SHISA6: variants seen among roughly 807,000 people sequenced by gnomAD.
The protein encoded by SHISA6 is protein shisa-6.
A neutral mutation model predicts 47.9 loss-of-function variants in SHISA6; 22 were observed. The observed-to-expected ratio is 0.46, with a 90% CI of 0.33 to 0.66. The LOEUF (loss-of-function observed/expected upper bound fraction) is 0.66, where lower values mean the gene tolerates loss of function less well. Among genes scored for constraint, SHISA6 ranks in the 30% least tolerant of loss-of-function variants. The pLI is 0.02. For synonymous variants in SHISA6, 388 were observed against 337.8 expected (o/e 1.15, Z -1.63); for missense variants, 680 against 764.6 (o/e 0.89, Z 1.30).
intron 3 of SHISA6, among the ~76,000 whole-genome samples, chr17:11,524,837 C>A (rs2071662536): frequency 6.6e-6 from 1 of 152,150 alleles, no homozygotes. Context: ...CAGCATCAGT[C>A]ACTTCTATAA....
At chr17:11,549,708 G>A (rs1308543940) in intron 3 of SHISA6, among the ~76,000 whole-genome samples, 1 of 152,124 alleles carries the variant, frequency 6.6e-6, no homozygotes, top group Non-Finnish European at 1.5e-5. Context: ...CTTACTGACT[G>A]CCACTCTCCA....
chr17:11,487,633 C>T (rs1916385155), intron 3 of SHISA6, among the ~76,000 whole-genome samples: 1 of 152,210 alleles, frequency 6.6e-6, no homozygotes, highest in African/African-American at 2.4e-5. Context: ...TTAGCCTCAG[C>T]TAAAGTGTAC....
At chr17:11,251,391 TAAAC>T (rs933947241) in intron 1 of SHISA6, among the ~76,000 whole-genome samples, 5 of 150,742 alleles carry the variant, frequency 3.3e-5, no homozygotes, top group African/African-American at 7.3e-5. Flanking sequence ...AAGAAAATAT[TAAAC>T]AAAACAAAAC....
At chr17:11,451,224 C>T (rs942591539) in intron 3 of SHISA6, among the ~76,000 whole-genome samples, 1 of 152,028 alleles carries the variant, frequency 6.6e-6, no homozygotes, top group East Asian at 1.9e-4. Context: ...CATTCTCTGC[C>T]CCCTTCAATA....
At chr17:11,348,812 A>G (rs1266551369) in intron 2 of SHISA6, among the ~76,000 whole-genome samples, 4 of 152,216 alleles carry the variant, frequency 2.6e-5, no homozygotes, top group Admixed American at 6.5e-5. Flanking sequence ...TTGTATCAAG[A>G]TTGCTCACTT....
chr17:11,475,766 T>G (rs541815903), intron 3 of SHISA6, among the ~76,000 whole-genome samples: 4 of 151,932 alleles, frequency 2.6e-5, no homozygotes, highest in Non-Finnish European at 5.9e-5. Context: ...TGTCTTTGGT[T>G]TATGTGTTTT....
intron 2 of SHISA6, among the ~76,000 whole-genome samples, chr17:11,331,799 C>T (rs1363907932): frequency 6.6e-6 from 1 of 152,048 alleles, no homozygotes; most frequent in Non-Finnish European, 1.5e-5. Flanking sequence ...ATCTCCCTCT[C>T]TTTCCAGCTG....
chr17:11,526,902 T>TATATATATATATATAC (rs2071689346), intron 3 of SHISA6, among the ~76,000 whole-genome samples: 3 of 20,088 alleles, frequency 1.5e-4, no homozygotes, highest in African/African-American at 6.6e-4. Flanking sequence ...TATATATATA[T>TATATATATATATATAC]ATATATATAT....
chr17:11,523,281 G>A (rs775835449), intron 3 of SHISA6, among the ~76,000 whole-genome samples: 2 of 152,224 alleles, frequency 1.3e-5, no homozygotes, highest in African/African-American at 2.4e-5. Context: ...ATTTGCTGCT[G>A]TAGTTTCACT....
At chr17:11,507,680 G>T (rs1169058002) in intron 3 of SHISA6, among the ~76,000 whole-genome samples, 2 of 152,204 alleles carry the variant, frequency 1.3e-5, no homozygotes, top group Admixed American at 6.5e-5. Context: ...TTTGGAGGAA[G>T]TGAGTGTAGT....
chr17:11,488,230 A>G (rs1916398834), intron 3 of SHISA6, among the ~76,000 whole-genome samples: 1 of 152,112 alleles, frequency 6.6e-6, no homozygotes, highest in Admixed American at 6.5e-5. Flanking sequence ...CTCGGTGTGC[A>G]CTATTTATAG....
rs1299177606 is a variant in SHISA6, at chr17:11,560,127, C to A, written c.*1823C>A. ...TTTTTAATCTAACCAAGTCCACAAA[C>A]CACAGAGAAAGCAATGGACTGTGTC... On this transcript the variant is annotated 3_prime_UTR_variant, in exon 6 of 6. Coordinates refer to ENST00000441885, the MANE Select transcript of SHISA6 (RefSeq NM_207386.4). 1 of 152,236 alleles carries A rather than the reference C, an allele frequency of 6.6e-6. No individual in the cohort carries two copies. The highest frequency in any genetic ancestry group is 1.5e-5 in the Non-Finnish European group (1 of 68,058). 9.4% of individuals were successfully genotyped at this position (152,236 alleles called of 1,614,324 possible). A position where few individuals can be genotyped will look rare whatever the true frequency, so the allele number is the denominator to read the frequency against.
chr17:11,276,143 A>C (rs926459010), intron 2 of SHISA6, among the ~76,000 whole-genome samples: 2 of 151,718 alleles, frequency 1.3e-5, no homozygotes, highest in Non-Finnish European at 2.9e-5. Context: ...ATGCCTGGCT[A>C]ATTTTTGTAT....
chr17:11,491,554 T>G (rs1460682036), intron 3 of SHISA6, among the ~76,000 whole-genome samples: 3 of 151,926 alleles, frequency 2.0e-5, no homozygotes, highest in Admixed American at 2.0e-4. Flanking sequence ...TCCTCCCACC[T>G]CAGCCACCCA....
At chr17:11,497,994 C>T (rs562221045) in intron 3 of SHISA6, among the ~76,000 whole-genome samples, 169 of 152,312 alleles carry the variant, frequency 1.1e-3, no homozygotes, top group African/African-American at 3.9e-3. Context: ...CCCCAGCTCC[C>T]AGTAAGTGCT....
chr17:11,398,409 C>A (rs1226065227), intron 3 of SHISA6, among the ~76,000 whole-genome samples: 1 of 151,972 alleles, frequency 6.6e-6, no homozygotes, highest in Admixed American at 6.6e-5. Context: ...CACTTCTATG[C>A]CTCCTTTTCT....
Position 11,451,076 on chromosome 17 carries a change from C to A in SHISA6, c.895+71567C>A, listed in dbSNP as rs144831791. On this transcript the variant is annotated intron_variant, in intron 3 of 5. Coordinates refer to ENST00000441885, the MANE Select transcript of SHISA6 (RefSeq NM_207386.4). ...GTGTGACAAGAGGAAAGAGGTCAGA[C>A]TGTGGGGCTTCGGGAGAAGCTGGGA... is the stretch of plus-strand genomic sequence containing the variant. Among the ~76,000 whole-genome samples the A allele has an allele frequency of 6.9e-3, 1,039 of 151,284 alleles. 15 individuals carry two copies. The highest frequency in any genetic ancestry group is 0.024 in the African/African-American group (995 of 41,162).
intron 3 of SHISA6, among the ~76,000 whole-genome samples, chr17:11,473,352 G>A (rs1056084920): frequency 2.0e-5 from 3 of 152,078 alleles, no homozygotes; most frequent in Admixed American, 2.0e-4. Flanking sequence ...AAATTTATTT[G>A]TTATGGTTCT....
intron 1 of SHISA6, among the ~76,000 whole-genome samples, chr17:11,260,092 A>T (rs1356184523): frequency 6.6e-6 from 1 of 152,180 alleles, no homozygotes; most frequent in African/African-American, 2.4e-5. Context: ...TATTAAGGTG[A>T]TTAATACACA....
Sources: gnomAD v4.1 joint callset for allele counts (sites outside exome capture counted in the v4.1 genomes callset) on GRCh38, gnomAD v4.1.1 for gene constraint, MANE v1.5 for transcripts, NCBI Gene and HGNC (gene_info 2026-07-23, HGNC 2026-07-21) for gene names.